Variants in KAZN observed in about 807,000 individuals in gnomAD.
KAZN encodes kazrin.
Under a neutral mutation model 87.4 loss-of-function variants are expected in KAZN, and 40 were observed. That is an observed-to-expected ratio of 0.46 (90% confidence interval 0.36 to 0.60). KAZN has a LOEUF of 0.60. Among genes scored for constraint, KAZN ranks in the 20% least tolerant of loss-of-function variants. The probability of loss-of-function intolerance (pLI) is 0.00; values close to 1 mark genes in which losing one functional copy is unlikely to be tolerated. For synonymous variants in KAZN, 466 were observed against 458.3 expected (o/e 1.02, Z -0.22); for missense variants, 898 against 1,073.9 (o/e 0.84, Z 2.29).
intron 1 of KAZN, among the ~76,000 whole-genome samples, chr1:14,954,237 G>C (rs989000399): frequency 5.9e-5 from 9 of 152,250 alleles, no homozygotes; most frequent in African/African-American, 2.2e-4. Context: ...CCATGGCCAA[G>C]AGAACTCTGC....
At position 15,115,442 on chromosome 1, in the gene KAZN, G is replaced by A. The variant is rs964112644; in HGVS notation, c.*807G>A. ...CGGGGATGACCGACGGCCCCATATG[G>A]TGAATCTCTGGCCTGTGGTTTGGCT... On this transcript the variant is annotated 3_prime_UTR_variant, in exon 15 of 15. Transcript: ENST00000376030. This position sits in a 1 kb window ranked among gnomAD's most constrained non-coding sequence, Gnocchi z 4.1. 1 of 152,174 alleles carries A rather than the reference G, an allele frequency of 6.6e-6. No homozygotes were observed. Among genetic ancestry groups the A allele is most frequent in the African/African-American group, 2.4e-5 (1 of 41,424 alleles). 9.4% of individuals were successfully genotyped at this position (152,174 alleles called of 1,614,324 possible). A position where few individuals can be genotyped will look rare whatever the true frequency, so the allele number is the denominator to read the frequency against.
intron 2 of KAZN, among the ~76,000 whole-genome samples, chr1:14,226,394 G>A (rs1647295729): frequency 6.6e-6 from 1 of 152,004 alleles, no homozygotes; most frequent in South Asian, 2.1e-4. Flanking sequence ...CAGTCAAATG[G>A]CTATTACTAA....
intron 1 of KAZN, among the ~76,000 whole-genome samples, chr1:14,794,184 A>G (rs1368472796): frequency 6.6e-6 from 1 of 152,154 alleles, no homozygotes; most frequent in African/African-American, 2.4e-5. Flanking sequence ...GTAGCTGTAA[A>G]GGGTCAGCAA....
intron 2 of KAZN, among the ~76,000 whole-genome samples, chr1:14,228,020 G>T (rs917921073): frequency 6.6e-6 from 1 of 152,060 alleles, no homozygotes; most frequent in Non-Finnish European, 1.5e-5. Flanking sequence ...GCCCATCCTG[G>T]TTATTTATCT....
chr1:14,617,112 C>T (rs897375731), intron 1 of KAZN, among the ~76,000 whole-genome samples: 8 of 152,210 alleles, frequency 5.3e-5, no homozygotes, highest in Non-Finnish European at 1.2e-4. Context: ...CCAGCAGCCC[C>T]ACCACATCCT....
intron 2 of KAZN, among the ~76,000 whole-genome samples, chr1:14,386,781 A>G (rs1661940187): frequency 6.6e-6 from 1 of 151,862 alleles, no homozygotes; most frequent in African/African-American, 2.4e-5. Flanking sequence ...TGAATCTGAC[A>G]ATTATGTGTC....
chr1:13,981,459 C>A (rs897668128), intron 1 of KAZN, among the ~76,000 whole-genome samples: 1 of 151,768 alleles, frequency 6.6e-6, no homozygotes, highest in Non-Finnish European at 1.5e-5. Flanking sequence ...ATAACCCTGC[C>A]CAGATTCAAT....
At chr1:14,202,492 G>T (rs1014469469) in intron 2 of KAZN, among the ~76,000 whole-genome samples, 1 of 152,192 alleles carries the variant, frequency 6.6e-6, no homozygotes, top group African/African-American at 2.4e-5. Flanking sequence ...CCAGGTGCTG[G>T]GGTGCAGGGA....
At chr1:15,044,758 AT>A (rs1006910078) in intron 4 of KAZN, among the ~76,000 whole-genome samples, 2 of 151,724 alleles carry the variant, frequency 1.3e-5, no homozygotes, top group East Asian at 1.9e-4. Flanking sequence ...AGGAAAAAAA[AT>A]TTTTTTTGTT....
In KAZN at chr1:14,467,388, A is replaced by C. The variant is rs1274611564; in HGVS notation, c.250-131595A>C. Among the ~76,000 whole-genome samples, 3 of 151,938 alleles carry C rather than the reference A, an allele frequency of 2.0e-5. 1 individual carries two copies. Among genetic ancestry groups the C allele is most frequent in the Non-Finnish European group, 4.4e-5 (3 of 67,980 alleles). The stretch of plus-strand genomic sequence containing the variant: ...TAAGTAGAAAATATCTATTTAACAC[A>C]AAAGAAGTTAGTAATCGAGAAATGG... On this transcript the variant is annotated intron_variant, in intron 2 of 16. Transcript: ENST00000636203.
chr1:14,514,529 A>ATATATATTTTATATATAATATAT lies in KAZN; in HGVS notation c.250-84454_250-84453insTATATATTTTATATATAATATAT, dbSNP rs1557770225. On this transcript the variant is annotated intron_variant, in intron 2 of 16. Transcript: ENST00000636203. Reference sequence around the variant, plus strand: ...ATATAATATATGAAATATATATTTTAGATATATTTTATATATAATATATGA... The same window carrying ATATATATTTTATATATAATATAT: ...ATATAATATATGAAATATATATTTTATATATATTTTATATATAATATATGATATATTTTATATATAATATATGA... 9.3e-4 allele frequency among the ~76,000 whole-genome samples: 16 copies of ATATATATTTTATATATAATATAT among 17,164 alleles called. 1 individual carries two copies. Among genetic ancestry groups the ATATATATTTTATATATAATATAT allele is most frequent in the Admixed American group, 7.0e-3 (7 of 1,004 alleles). The allele number at this position is 17,164 out of a possible 152,430, so 11.3% of individuals were successfully genotyped here.
intron 2 of KAZN, among the ~76,000 whole-genome samples, chr1:14,343,423 A>G (rs1457348147): frequency 6.6e-6 from 1 of 152,190 alleles, no homozygotes; most frequent in African/African-American, 2.4e-5. Context: ...GAAGTGAAAG[A>G]TAATTTTTCC....
At position 14,760,467 on chromosome 1, in the gene KAZN, C is replaced by T. The variant is rs564474610; in HGVS notation, c.226+161244C>T. On this transcript the variant is annotated intron_variant, in intron 1 of 14. Transcript: ENST00000376030. ...AAACACATAGCAGCAACTCGGCACTCGCTGGCCCAGTTTGAACATGATTGG... is the reference window on the plus strand; with the variant it reads ...AAACACATAGCAGCAACTCGGCACTTGCTGGCCCAGTTTGAACATGATTGG... Among the ~76,000 whole-genome samples the T allele has an allele frequency of 1.3e-4, 20 of 152,316 alleles. No individual in the cohort carries two copies. The South Asian group carries it at 3.9e-3, about 30-fold the overall frequency.
intron 1 of KAZN, among the ~76,000 whole-genome samples, chr1:14,829,073 G>A (rs1299583659): frequency 6.6e-6 from 1 of 152,206 alleles, no homozygotes; most frequent in African/African-American, 2.4e-5. Flanking sequence ...TCCTTCACCT[G>A]GGGCTGAGTA....
At chr1:14,051,260 A>T (rs1642314683) in intron 1 of KAZN, among the ~76,000 whole-genome samples, 1 of 152,174 alleles carries the variant, frequency 6.6e-6, no homozygotes, top group Non-Finnish European at 1.5e-5. Flanking sequence ...GGGTGGGGTG[A>T]TTCTCTTTAA....
chr1:15,041,400 G>C (rs1368237322), intron 3 of KAZN, among the ~76,000 whole-genome samples: 1 of 145,358 alleles, frequency 6.9e-6, no homozygotes, highest in Non-Finnish European at 1.5e-5. Context: ...TGCAATGGCG[G>C]GATCTCGGCT....
chr1:14,145,732 T>G (rs1284067887), intron 1 of KAZN, among the ~76,000 whole-genome samples: 3 of 152,032 alleles, frequency 2.0e-5, no homozygotes, highest in Admixed American at 1.3e-4. Context: ...AGGCATGTGC[T>G]ACCACACCTG....
chr1:14,888,191 G>A (rs1428866973), intron 1 of KAZN, among the ~76,000 whole-genome samples: 2 of 152,204 alleles, frequency 1.3e-5, no homozygotes, highest in Non-Finnish European at 2.9e-5. Flanking sequence ...CCGGAGCGGT[G>A]CTTTCAGAGG....
chr1:14,031,883 G>C (rs1641342213), intron 1 of KAZN, among the ~76,000 whole-genome samples: 1 of 138,736 alleles, frequency 7.2e-6, no homozygotes, highest in Non-Finnish European at 1.5e-5. Flanking sequence ...AAAACCCAAA[G>C]AAACTTGCTT....
Sources: gnomAD v4.1 joint callset for allele counts (sites outside exome capture counted in the v4.1 genomes callset) on GRCh38, gnomAD v4.1.1 for gene constraint, Gnocchi (gnomAD v3.1) non-coding constraint, MANE v1.5 for transcripts, NCBI Gene and HGNC (gene_info 2026-07-23, HGNC 2026-07-21) for gene names.